The following GPC6 variants were observed in gnomAD, a reference collection of about 807,000 sequenced individuals.
GPC6 encodes the protein glypican 6, also known as glypican-6.
A neutral mutation model predicts 55.2 loss-of-function variants in GPC6; 14 were observed. That is an observed-to-expected ratio of 0.25 (90% CI 0.17 to 0.40). The LOEUF is 0.40. Among genes scored for constraint, GPC6 ranks in the 10% least tolerant of loss-of-function variants. The pLI is 1.00. For missense variants in GPC6, 641 were observed against 708.5 expected, an observed-to-expected ratio of 0.90 and a Z score of 1.08; for synonymous variants, 278 against 259.6, an observed-to-expected ratio of 1.07 and a Z score of -0.68.
At chr13:93,489,261 G>C (rs1409214922) in intron 1 of GPC6, among the ~76,000 whole-genome samples, 1 of 151,446 alleles carries the variant, frequency 6.6e-6, no homozygotes, top group African/African-American at 2.4e-5. Context: ...TGTCAGGTTT[G>C]TCAAAGATCA....
At chr13:93,626,101 G>A (rs112227793) in intron 2 of GPC6, among the ~76,000 whole-genome samples, 2 of 152,074 alleles carry the variant, frequency 1.3e-5, no homozygotes, top group African/African-American at 4.8e-5. Context: ...TGCTACAAAC[G>A]CTATGGCAAT....
chr13:93,250,975 CAAGAG>C (rs1036751524), intron 1 of GPC6, among the ~76,000 whole-genome samples: 1 of 152,096 alleles, frequency 6.6e-6, no homozygotes, highest in African/African-American at 2.4e-5. Flanking sequence ...TGGCAGCAGT[CAAGAG>C]AAGAGAATGA....
At chr13:94,092,746 A>T (rs1448861316) in intron 4 of GPC6, among the ~76,000 whole-genome samples, 1 of 152,146 alleles carries the variant, frequency 6.6e-6, no homozygotes, top group Non-Finnish European at 1.5e-5. Context: ...CATTTCTACC[A>T]ACACTGTAGA....
chr13:93,391,788 T>G (rs927644697), intron 1 of GPC6, among the ~76,000 whole-genome samples: 1 of 152,286 alleles, frequency 6.6e-6, no homozygotes, highest in East Asian at 1.9e-4. Flanking sequence ...CAAGATAGCA[T>G]GTTTCATTGG....
At chr13:93,464,030 C>G (rs1384387729) in intron 1 of GPC6, among the ~76,000 whole-genome samples, 1 of 152,144 alleles carries the variant, frequency 6.6e-6, no homozygotes, top group African/African-American at 2.4e-5. Flanking sequence ...GTGCATAAAA[C>G]TTAAGTTTAC....
intron 5 of GPC6, among the ~76,000 whole-genome samples, chr13:94,297,626 A>G (rs1003577863): frequency 1.3e-5 from 2 of 152,260 alleles, no homozygotes; most frequent in Non-Finnish European, 2.9e-5. Flanking sequence ...AAAGATTTTA[A>G]GAAGTATGCA....
chr13:93,487,525 G>A (rs890246606), intron 1 of GPC6, among the ~76,000 whole-genome samples: 1 of 152,176 alleles, frequency 6.6e-6, no homozygotes, highest in African/African-American at 2.4e-5. Flanking sequence ...GGTAACATGA[G>A]TGTAGAACTA....
chr13:94,075,304 C>T (rs1594716047), intron 4 of GPC6, among the ~76,000 whole-genome samples: 3 of 152,252 alleles, frequency 2.0e-5, no homozygotes, highest in African/African-American at 7.2e-5. Context: ...GAACACATTA[C>T]CCTTGAAGAG....
intron 2 of GPC6, among the ~76,000 whole-genome samples, chr13:93,690,961 G>A (rs1294160707): frequency 1.3e-5 from 2 of 151,766 alleles, no homozygotes; most frequent in African/African-American, 2.4e-5. Flanking sequence ...CACTATGCTG[G>A]AGTGCCTAAA....
In GPC6 at chr13:93,641,159, G is replaced by T. The variant is rs199605795; in HGVS notation, c.319+95738G>T. On this transcript the variant is annotated intron_variant, in intron 2 of 8. Coordinates refer to ENST00000377047, the MANE Select transcript of GPC6 (RefSeq NM_005708.5). The stretch of plus-strand genomic sequence containing the variant: ...AATTTCACAAAAATAGATTCAAATA[G>T]TACATGCTTTTTTCAGAAAAAAAAA... Among the ~76,000 whole-genome samples the T allele has an allele frequency of 5.3e-5, 8 of 151,898 alleles. No individual in the cohort carries two copies. In the East Asian group the frequency reaches 1.5e-3, roughly 29 times the overall value.
chr13:94,403,618 C>G lies in GPC6; in HGVS notation c.*401C>G, dbSNP rs1391892528. ...TGTAAAATCGGGCCAAACCCCAAGACAGCTACATTTTCAACAAAAAAGCAA... is the reference window on the plus strand; with the variant it reads ...TGTAAAATCGGGCCAAACCCCAAGAGAGCTACATTTTCAACAAAAAAGCAA... On this transcript the variant is annotated 3_prime_UTR_variant, in exon 9 of 9. Transcript: ENST00000377047. The G allele has an allele frequency of 8.2e-6, 2 of 242,504 alleles. No individual in the cohort carries two copies. The highest frequency in any genetic ancestry group is 1.6e-5 in the Non-Finnish European group (2 of 122,086). 15.0% of individuals were successfully genotyped at this position (242,504 alleles called of 1,614,324 possible).
At chr13:93,972,340 T>C (rs1461850347) in intron 3 of GPC6, among the ~76,000 whole-genome samples, 1 of 152,184 alleles carries the variant, frequency 6.6e-6, no homozygotes, top group Non-Finnish European at 1.5e-5. Context: ...CGACAGCCCT[T>C]GCATATATAG....
intron 6 of GPC6, among the ~76,000 whole-genome samples, chr13:94,367,216 C>G (rs906138509): frequency 6.6e-6 from 1 of 152,206 alleles, no homozygotes; most frequent in Non-Finnish European, 1.5e-5. Flanking sequence ...AAAACTACTC[C>G]TTTAAATCAT....
intron 2 of GPC6, among the ~76,000 whole-genome samples, chr13:93,662,224 A>T (rs2139614470): frequency 6.6e-6 from 1 of 152,290 alleles, no homozygotes; most frequent in East Asian, 1.9e-4. Context: ...AAGGCATTTG[A>T]TGTTATTTCT....
intron 4 of GPC6, among the ~76,000 whole-genome samples, chr13:94,067,578 TATAG>T (rs5805846): frequency 0.34 from 50,854 of 147,462 alleles, 9,152 homozygotes; most frequent in Middle Eastern, 0.45. Flanking sequence ...ATAGATAGAT[TATAG>T]ATAGATAGAT....
At chr13:93,286,427 A>G (rs764440441) in intron 1 of GPC6, among the ~76,000 whole-genome samples, 12 of 152,174 alleles carry the variant, frequency 7.9e-5, no homozygotes, top group Non-Finnish European at 1.5e-4. Flanking sequence ...AGCAGTCCCA[A>G]TGTAATTTGA....
chr13:93,224,544 C>T (rs1160178172), upstream of GPC6, among the ~76,000 whole-genome samples: 1 of 152,156 alleles, frequency 6.6e-6, no homozygotes, highest in African/African-American at 2.4e-5. Flanking sequence ...TTTCCTACTA[C>T]ACACAAGATG....
chr13:94,360,714 C>A lies in GPC6; in HGVS notation c.1153-21700C>A, dbSNP rs1054927842. Among the ~76,000 whole-genome samples, 17 of 152,278 alleles carry A rather than the reference C, an allele frequency of 1.1e-4. No homozygotes were observed. In the East Asian group the frequency reaches 3.3e-3, roughly 29 times the overall value. On this transcript the variant is annotated intron_variant, in intron 6 of 8. Transcript: ENST00000377047. ...GATTTCCAGAGTGCTATCCTCCTCC[C>A]CCCAAATATATTTTCCATCTTTTTT...
At chr13:93,684,688 A>G (rs1019226880) in intron 2 of GPC6, among the ~76,000 whole-genome samples, 6 of 152,150 alleles carry the variant, frequency 3.9e-5, no homozygotes, top group Non-Finnish European at 7.3e-5. Context: ...CTCTAAGAAC[A>G]GTACCTGACA....
Sources: gnomAD v4.1 joint callset for allele counts (sites outside exome capture counted in the v4.1 genomes callset) on GRCh38, gnomAD v4.1.1 for gene constraint, MANE v1.5 for transcripts, NCBI Gene and HGNC (gene_info 2026-07-23, HGNC 2026-07-21) for gene names.